The following PCDHGA11 variants were observed in gnomAD, a reference collection of about 807,000 sequenced individuals.
PCDHGA11 encodes protocadherin gamma-A11.
In PCDHGA11, 39 loss-of-function variants were observed where a neutral mutation model predicts 60.4. The observed-to-expected ratio is 0.65, with a 90% CI of 0.50 to 0.84. PCDHGA11 has a LOEUF of 0.84. Among genes scored for constraint, PCDHGA11 ranks in the 40% least tolerant of loss-of-function variants. The probability of loss-of-function intolerance (pLI) is 0.00; values close to 1 mark genes in which losing one functional copy is unlikely to be tolerated. For missense variants in PCDHGA11, 1,165 were observed against 1,197.7 expected (o/e 0.97, Z 0.40); for synonymous variants, 533 against 510.3 (o/e 1.04, Z -0.60).
chr5:141,460,505 A>T (rs1430823912), intron 1 of PCDHGA11, among the ~76,000 whole-genome samples: 1 of 152,150 alleles, frequency 6.6e-6, no homozygotes, highest in Non-Finnish European at 1.5e-5. Context: ...ATATGCTGAG[A>T]AGGCTATCTT....
intron 1 of PCDHGA11, among the ~76,000 whole-genome samples, chr5:141,463,721 C>T (rs1012411825): frequency 1.3e-5 from 2 of 152,046 alleles, no homozygotes; most frequent in Non-Finnish European, 2.9e-5. Flanking sequence ...GCTGGGATTA[C>T]AGGCATGAGC....
At chr5:141,426,015 T>G (rs1168777347) in intron 1 of PCDHGA11, among the ~76,000 whole-genome samples, 3 of 152,200 alleles carry the variant, frequency 2.0e-5, no homozygotes, top group African/African-American at 7.2e-5. Flanking sequence ...GGCTGCAGTT[T>G]TCTAAATAGA....
chr5:141,462,011 C>T (rs567038580), intron 1 of PCDHGA11, among the ~76,000 whole-genome samples: 32 of 152,182 alleles, frequency 2.1e-4, no homozygotes, highest in Admixed American at 5.9e-4. Flanking sequence ...TTAATAGAGA[C>T]GGGGTTTCTT....
At chr5:141,469,438 G>T (rs2099201339) in intron 1 of PCDHGA11, among the ~76,000 whole-genome samples, 1 of 152,112 alleles carries the variant, frequency 6.6e-6, no homozygotes, top group African/African-American at 2.4e-5. Flanking sequence ...AGCTGGGCGT[G>T]GTGGTGCACA....
In PCDHGA11 at chr5:141,422,007, T is replaced by A; in HGVS notation, c.780T>A (p.Thr260=). The A allele has an allele frequency of 6.2e-7, 1 of 1,609,966 alleles. No individual in the cohort carries two copies. The highest frequency in any genetic ancestry group is 8.5e-7 in the Non-Finnish European group (1 of 1,178,292). The change falls in exon 1 of 4, where the codon ACT becomes ACA. Residue 260 remains threonine (T), a synonymous_variant. Coordinates refer to ENST00000398587, the MANE Select transcript of PCDHGA11 (RefSeq NM_018914.3). ...VSVPENISSG[T]RVLMVNATDP... ...TTCCAGAAAACATCAGCTCCGGAAC[T>A]CGGGTGCTGATGGTTAATGCAACGG...
Position 141,486,639 on chromosome 5 carries a change from T to G in PCDHGA11, c.2434-8168T>G, listed in dbSNP as rs1250700423. ...GACCCAGACTCTGGCTTGAATGCGC[T>G]TATCTCCTACTCACTCCTGGAGCCC... On this transcript the variant is annotated intron_variant, in intron 1 of 3. Transcript: ENST00000398587. The surrounding 1 kb of genome is among the most constrained non-coding windows in gnomAD (Gnocchi z 5.0). The G allele has an allele frequency of 6.2e-7, 1 of 1,613,818 alleles. No individual in the cohort carries two copies. The highest frequency in any genetic ancestry group is 1.1e-5 in the South Asian group (1 of 91,084).
In PCDHGA11 at chr5:141,490,770, C is replaced by T. The variant is rs774014462; in HGVS notation, c.2434-4037C>T. 1.2e-6 allele frequency: 2 copies of T among 1,614,120 alleles called. No individual in the cohort carries two copies. Among genetic ancestry groups the T allele is most frequent in the Non-Finnish European group, 8.5e-7 (1 of 1,179,968 alleles). ...CAGCCTCCTCCTTTGTGTATGTCAA[C>T]CCAGAGGATGGACGGATCTTTGCCC... On this transcript the variant is annotated intron_variant, in intron 1 of 3. Transcript: ENST00000398587. The surrounding 1 kb of genome is among the most constrained non-coding windows in gnomAD (Gnocchi z 5.4).
At chr5:141,474,652 T>C (rs962582027) in intron 1 of PCDHGA11, among the ~76,000 whole-genome samples, 1 of 152,206 alleles carries the variant, frequency 6.6e-6, no homozygotes, top group African/African-American at 2.4e-5. Context: ...TCCTTACTTC[T>C]TTTCTACCTA....
intron 1 of PCDHGA11, among the ~76,000 whole-genome samples, chr5:141,425,040 A>G (rs2096853898): frequency 6.6e-6 from 1 of 152,182 alleles, no homozygotes; most frequent in South Asian, 2.1e-4. Flanking sequence ...TTAGTTGTAA[A>G]CTGACTATCT....
intron 1 of PCDHGA11, among the ~76,000 whole-genome samples, chr5:141,472,402 G>T (rs569497172): frequency 6.6e-6 from 1 of 152,042 alleles, no homozygotes; most frequent in Non-Finnish European, 1.5e-5. Context: ...TTAGCCAGGC[G>T]TGGTGGCACG....
intron 1 of PCDHGA11, among the ~76,000 whole-genome samples, chr5:141,460,961 A>ATGTG (rs35821115): frequency 4.1e-5 from 6 of 144,616 alleles, no homozygotes; most frequent in South Asian, 2.2e-4. Context: ...GTATATATAT[A>ATGTG]TGTGTGTGTG....
At chr5:141,428,146 C>T (rs549173211) in intron 1 of PCDHGA11, 15 of 1,589,346 alleles carry the variant, frequency 9.4e-6, no homozygotes, top group East Asian at 2.2e-5. Context: ...GGGCTGCACA[C>T]GGGAACCTGC....
intron 1 of PCDHGA11, among the ~76,000 whole-genome samples, chr5:141,460,983 G>GTA (rs59296681): frequency 9.4e-4 from 130 of 137,840 alleles, no homozygotes; most frequent in Middle Eastern, 3.8e-3. Context: ...GTGTGTGTGT[G>GTA]TATATATATA....
intron 1 of PCDHGA11, among the ~76,000 whole-genome samples, chr5:141,460,979 GTGTGTATATA>G (rs143444831): frequency 0.04 from 5,417 of 134,264 alleles, 125 homozygotes; most frequent in South Asian, 0.082. Context: ...GTGTGTGTGT[GTGTGTATATA>G]TATATATGTG....
Position 141,491,826 on chromosome 5 carries a change from C to A in PCDHGA11, c.2434-2981C>A. 1 of 1,477,526 alleles carries A rather than the reference C, an allele frequency of 6.8e-7. No homozygotes were observed. The highest frequency in any genetic ancestry group is 9.0e-7 in the Non-Finnish European group (1 of 1,114,486). The allele number at this position is 1,477,526 out of a possible 1,614,324, so 91.5% of individuals were successfully genotyped here. A position where few individuals can be genotyped will look rare whatever the true frequency, so the allele number is the denominator to read the frequency against. ...GGCTTGGTCGCTGGCTGCGCTCCAC[C>A]CGATTCTCGGGATCATTGGACCGTT... On this transcript the variant is annotated intron_variant, in intron 1 of 3. Transcript: ENST00000398587. The surrounding 1 kb of genome is among the most constrained non-coding windows in gnomAD (Gnocchi z 6.9).
intron 1 of PCDHGA11, among the ~76,000 whole-genome samples, chr5:141,480,272 G>T (rs903112862): frequency 7.2e-6 from 1 of 138,796 alleles, no homozygotes; most frequent in Non-Finnish European, 1.5e-5. Flanking sequence ...TTCATTAGCT[G>T]GGTGTGTTGG....
In PCDHGA11 at chr5:141,426,967, T is replaced by C. The variant is rs151241654; in HGVS notation, c.2433+3307T>C. 124 of 456,702 alleles carry C rather than the reference T, an allele frequency of 2.7e-4. 1 individual carries two copies. The highest frequency in any genetic ancestry group is 2.1e-3 in the African/African-American group (103 of 50,178). 28.3% of individuals were successfully genotyped at this position (456,702 alleles called of 1,614,324 possible). A position where few individuals can be genotyped will look rare whatever the true frequency, so the allele number is the denominator to read the frequency against. On this transcript the variant is annotated intron_variant, in intron 1 of 3. Coordinates refer to ENST00000398587, the MANE Select transcript of PCDHGA11 (RefSeq NM_018914.3). ...CCAACTGGCACTGCTGCAATTCAAA[T>C]TGAGGTCACTGATGCCAACGATAAT... is the stretch of plus-strand genomic sequence containing the variant.
intron 1 of PCDHGA11, among the ~76,000 whole-genome samples, chr5:141,448,768 G>T (rs544426582): frequency 2.6e-5 from 4 of 151,750 alleles, no homozygotes; most frequent in Non-Finnish European, 4.4e-5. Context: ...GTGAAACCCC[G>T]TCTGTACTAA....
At chr5:141,430,829 T>A (rs763916884) in intron 1 of PCDHGA11, 1 of 1,554,558 alleles carries the variant, frequency 6.4e-7, no homozygotes, top group Non-Finnish European at 8.7e-7. Context: ...GGGGACTCTG[T>A]GGGAGACCGG....
Sources: allele counts gnomAD v4.1 joint callset (sites outside exome capture counted in the v4.1 genomes callset), GRCh38; gene constraint gnomAD v4.1.1; non-coding constraint Gnocchi (gnomAD v3.1); transcripts MANE v1.5; gene names NCBI Gene and HGNC (gene_info 2026-07-23, HGNC 2026-07-21).